NCAPD2: variants seen among roughly 807,000 people sequenced by gnomAD.
The protein encoded by NCAPD2 is condensin complex subunit 1.
NCAPD2 carries 100 observed loss-of-function variants against 164.5 expected under a neutral mutation model. The observed-to-expected ratio is 0.61, with a 90% CI of 0.52 to 0.72. NCAPD2 has a LOEUF of 0.72. Ranked by LOEUF, NCAPD2 falls within the 30% of genes least tolerant of loss-of-function variation. NCAPD2 has a pLI of 0.00. For synonymous variants in NCAPD2, 585 were observed against 642.6 expected, an observed-to-expected ratio of 0.91 and a Z score of 1.36; for missense variants, 1,560 against 1,749.2, an observed-to-expected ratio of 0.89 and a Z score of 1.93.
chr12:6,517,581 C>A lies in NCAPD2; in HGVS notation c.1321-15C>A. 1 of 1,614,192 alleles carries A rather than the reference C, an allele frequency of 6.2e-7. No homozygotes were observed. The highest frequency in any genetic ancestry group is 2.2e-5 in the East Asian group (1 of 44,888). On this transcript the variant is annotated splice_polypyrimidine_tract_variant and intron_variant, in intron 11 of 31. Transcript: ENST00000315579. ...TATGTCATTTACTGACCCTGCTATT[C>A]ATTTTACCTGATAGCTTAGTGATGC... is the stretch of plus-strand genomic sequence containing the variant.
intron 2 of NCAPD2, among the ~76,000 whole-genome samples, chr12:6,507,193 TC>T (rs1295655160): frequency 3.3e-5 from 5 of 152,178 alleles, no homozygotes; most frequent in Non-Finnish European, 7.3e-5. Flanking sequence ...CCCAGGCGGA[TC>T]TTGAACTCCT....
rs778093338 is a variant in NCAPD2 at position 6,527,000 on chromosome 12, G to C, written c.2844G>C (p.Glu948Asp). 4.8e-5 allele frequency: 77 copies of C among 1,613,956 alleles called. No homozygotes were observed. The highest frequency in any genetic ancestry group is 5.9e-5 in the Non-Finnish European group (70 of 1,179,982). The change falls in exon 22 of 32, where the codon GAG (glutamate) becomes GAC (aspartate). Residue 948 changes from glutamate (E) to aspartate (D), a missense_variant. Glu to Asp is a conservative substitution (Grantham distance 45, BLOSUM62 2). Coordinates refer to ENST00000315579, the MANE Select transcript of NCAPD2 (RefSeq NM_014865.4). ...LVHLEQAVSG[E>D]LCRRRVLREE... ...ACTTGGAGCAGGCAGTGAGTGGAGA[G>C]CTCTGCCGGCGCCGAGTTCTCCGGG...
chr12:6,494,750 T>C (rs113642215), intron 1 of NCAPD2, among the ~76,000 whole-genome samples: 1 of 152,242 alleles, frequency 6.6e-6, no homozygotes, highest in African/African-American at 2.4e-5. Context: ...AGAGCAACTT[T>C]GTGAAGTAAT....
intron 5 of NCAPD2, 87 bp downstream of exon 5, chr12:6,510,897 A>G: frequency 6.8e-7 from 1 of 1,473,168 alleles, no homozygotes; most frequent in African/African-American, 1.4e-5. Context: ...TGATCCACAA[A>G]TCCTTTCTGT....
rs1455593541 is a variant in NCAPD2, at chr12:6,503,150, T to C, written c.128-6567T>C. Among the ~76,000 whole-genome samples, 6 of 151,868 alleles carry C rather than the reference T, an allele frequency of 4.0e-5. No individual in the cohort carries two copies. The East Asian group carries it at 1.2e-3, about 30-fold the overall frequency. Reference sequence around the variant, plus strand: ...GATTACAGGCGTGAGCCACCACGTCTGGCCTACAAAGGTTTCTAATACACT... The same window carrying C: ...GATTACAGGCGTGAGCCACCACGTCCGGCCTACAAAGGTTTCTAATACACT... On this transcript the variant is annotated intron_variant, in intron 2 of 31. Coordinates refer to ENST00000315579, the MANE Select transcript of NCAPD2 (RefSeq NM_014865.4).
rs775143878 is a variant in NCAPD2, at chr12:6,514,590, G to A, written c.839+3G>A. The A allele has an allele frequency of 1.9e-6, 3 of 1,614,052 alleles. No homozygotes were observed. In the African/African-American group the frequency reaches 4.0e-5, roughly 22 times the overall value. ...AGCATAGTGGGAGAGATTGTAAGGTGACTCTTCCTTCTCGAAGTTTCTCAT... is the reference window on the plus strand; with the variant it reads ...AGCATAGTGGGAGAGATTGTAAGGTAACTCTTCCTTCTCGAAGTTTCTCAT... On this transcript the variant is annotated splice_donor_region_variant and intron_variant, in intron 8 of 31. Coordinates refer to ENST00000315579, the MANE Select transcript of NCAPD2 (RefSeq NM_014865.4).
chr12:6,524,513 G>A (rs1031754128), intron 17 of NCAPD2, among the ~76,000 whole-genome samples: 1 of 151,948 alleles, frequency 6.6e-6, no homozygotes, highest in African/African-American at 2.4e-5. Context: ...GCCAGGTGTG[G>A]TGGTGGGCAC....
chr12:6,526,687 A>G, intron 21 of NCAPD2, 72 bp downstream of exon 21: 5 of 1,552,058 alleles, frequency 3.2e-6, no homozygotes, highest in Middle Eastern at 2.3e-4. Context: ...AGCCACTGCC[A>G]CCACCACTAT....
At position 6,526,621 on chromosome 12, in the gene NCAPD2, T is replaced by G. The variant is rs774209570; in HGVS notation, c.2734+6T>G. ...AACCAGTCAGGAGGACCCGAGTAAGTGGGCAGGGGTTGACCCACTGCGGCA... is the reference window on the plus strand; with the variant it reads ...AACCAGTCAGGAGGACCCGAGTAAGGGGGCAGGGGTTGACCCACTGCGGCA... On this transcript the variant is annotated splice_donor_region_variant and intron_variant, in intron 21 of 31. Transcript: ENST00000315579. The G allele has an allele frequency of 6.2e-7, 1 of 1,611,878 alleles. No homozygotes were observed. Among genetic ancestry groups the G allele is most frequent in the East Asian group, 2.2e-5 (1 of 44,802 alleles).
In NCAPD2 at chr12:6,524,936, T is replaced by G. The variant is rs564433190; in HGVS notation, c.2215-647T>G. Among the ~76,000 whole-genome samples the G allele has an allele frequency of 4.6e-5, 7 of 152,268 alleles. No homozygotes were observed. The East Asian group carries it at 1.4e-3, about 29-fold the overall frequency. On this transcript the variant is annotated intron_variant, in intron 17 of 31. Transcript: ENST00000315579. ...ATTGGCCATGATGTCATAGGTCAGT[T>G]ACCGGCAAAAGCCCTACAAGAGGCA...
At position 6,516,037 on chromosome 12, in the gene NCAPD2, C is replaced by CA. The variant is rs781184572; in HGVS notation, c.988-782dup. Among the ~76,000 whole-genome samples the CA allele has an allele frequency of 4.5e-3, 668 of 149,436 alleles. 1 individual carries two copies. Among genetic ancestry groups the CA allele is most frequent in the Middle Eastern group, 0.011 (3 of 282 alleles). On this transcript the variant is annotated intron_variant, in intron 9 of 31. Transcript: ENST00000315579. ...TGAAATCCCATCTCTACTAAAAATA[C>CA]AAAAAAAAATTAGCTGGGTGTGGTG...
chr12:6,521,574 A>C (rs1236514859), intron 14 of NCAPD2, among the ~76,000 whole-genome samples: 3 of 56,068 alleles, frequency 5.4e-5, no homozygotes, highest in Non-Finnish European at 9.0e-5. Context: ...TGTAGTCCCA[A>C]CTGCTCAGGA....
chr12:6,509,362 A>G (rs887754971), intron 2 of NCAPD2, among the ~76,000 whole-genome samples: 4 of 152,140 alleles, frequency 2.6e-5, no homozygotes, highest in Non-Finnish European at 5.9e-5. Context: ...CTTGGGTTCA[A>G]GCAATTCTCC....
At chr12:6,527,413 A>G (rs111966085) in intron 22 of NCAPD2, among the ~76,000 whole-genome samples, 13 of 152,274 alleles carry the variant, frequency 8.5e-5, no homozygotes, top group African/African-American at 3.1e-4. Context: ...TGTTCCCTCC[A>G]CTAGAGGCAA....
In NCAPD2 at chr12:6,510,791, A is replaced by AC. The variant is rs755315031; in HGVS notation, c.427dup (p.Leu143ProfsTer8). 1.9e-6 allele frequency: 3 copies of AC among 1,614,062 alleles called. No individual in the cohort carries two copies. In the South Asian group the frequency reaches 3.3e-5, roughly 18 times the overall value. The stretch of plus-strand genomic sequence containing the variant: ...ATGGCCAGCCAGACAAACCTTGTGG[A>AC]CCTGGACCTTGGTGGGAAGGTAATT... On this transcript the variant is annotated frameshift_variant, in exon 5 of 32. Coordinates refer to ENST00000315579, the MANE Select transcript of NCAPD2 (RefSeq NM_014865.4). LOFTEE classifies it high-confidence loss of function.
chr12:6,519,029 GC>G (rs201950216), intron 13 of NCAPD2, among the ~76,000 whole-genome samples: 1,578 of 151,986 alleles, frequency 0.01, 29 homozygotes, highest in African/African-American at 0.036. Context: ...GGGACTACAG[GC>G]GCCCGCCACC....
rs200099820 is a variant in NCAPD2, at chr12:6,530,837, C to T, written c.3964+20C>T. The T allele has an allele frequency of 2.8e-5, 46 of 1,614,126 alleles. No individual in the cohort carries two copies. Among genetic ancestry groups the T allele is most frequent in the East Asian group, 1.6e-4 (7 of 44,892 alleles). The stretch of plus-strand genomic sequence containing the variant: ...CCACTGGTACGTAAGGCAGCCTGTG[C>T]GGGCGAGACCAGACTGGGCCCTCCC... On this transcript the variant is annotated intron_variant, in intron 30 of 31. Transcript: ENST00000315579.
chr12:6,527,791 G>T lies in NCAPD2; in HGVS notation c.2922G>T (p.Glu974Asp), dbSNP rs754870926. Residue 974 changes from glutamate to aspartate, a missense_variant, in exon 23 of 32, where the codon GAG becomes GAT. By Grantham distance (45) the Glu-to-Asp change is conservative. Transcript: ENST00000315579. ...ATTCCCTTTAGAATACGAGCTCTGA[G>T]ACCACCATGGAGGAGGAGCTGGGGC... ...KDPKEKNTSS[E>D]TTMEEELGLV... 17 of 1,612,538 alleles carry T rather than the reference G, an allele frequency of 1.1e-5. No individual in the cohort carries two copies. The African/African-American group carries it at 2.3e-4, about 22-fold the overall frequency.
intron 9 of NCAPD2, 43 bp from the exon 10 acceptor site, chr12:6,516,785 G>A (rs369352322): frequency 4.6e-5 from 73 of 1,593,970 alleles, no homozygotes; most frequent in Admixed American, 1.3e-4. Flanking sequence ...AGCAAGCTTC[G>A]CCTTGACTAA....
Sources: gnomAD v4.1 joint callset for allele counts (sites outside exome capture counted in the v4.1 genomes callset) on GRCh38, gnomAD v4.1.1 for gene constraint, MANE v1.5 for transcripts, NCBI Gene and HGNC (gene_info 2026-07-23, HGNC 2026-07-21) for gene names.